The following CFAP251 variants were observed in gnomAD, a reference collection of about 807,000 sequenced individuals.
CFAP251 encodes the protein cilia and flagella associated protein 251, also known as cilia- and flagella-associated protein 251.
A neutral mutation model predicts 126.7 loss-of-function variants in CFAP251; 93 were observed. That is an observed-to-expected ratio of 0.73 (90% confidence interval 0.62 to 0.87). CFAP251 has a LOEUF of 0.87. CFAP251 is among the 40% of genes least tolerant of loss of function. CFAP251 has a pLI of 0.00. For missense variants in CFAP251, 1,287 were observed against 1,389.2 expected (o/e 0.93, Z 1.17); for synonymous variants, 503 against 506.9 (o/e 0.99, Z 0.10).
At chr12:121,998,940 C>T (rs1022984441) in intron 19 of CFAP251, 4 of 128,424 alleles carry the variant, frequency 3.1e-5, no homozygotes, top group African/African-American at 1.2e-4. Flanking sequence ...TGAGAGTGGA[C>T]ATCCTTGTCT....
Position 121,934,257 on chromosome 12 carries a change from A to G in CFAP251, c.899A>G (p.Asn300Ser). The G allele has an allele frequency of 6.2e-7, 1 of 1,613,826 alleles. No individual in the cohort carries two copies. Among genetic ancestry groups the G allele is most frequent in the Non-Finnish European group, 8.5e-7 (1 of 1,179,902 alleles). ...NNQYHLQGHANIISCLCVSED... is the reference protein window; with the variant it reads ...NNQYHLQGHASIISCLCVSED... ...TCTCCATTTCCATAGGGCCACGCCA[A>G]TATTATCTCCTGCCTCTGCGTCAGT... Residue 300 changes from asparagine to serine, a missense_variant, in exon 5 of 22, where the codon AAT (asparagine) becomes AGT (serine). Coordinates refer to ENST00000288912, the MANE Select transcript of CFAP251 (RefSeq NM_144668.6).
chr12:121,927,878 A>T (rs1880482659), intron 3 of CFAP251, among the ~76,000 whole-genome samples: 1 of 152,256 alleles, frequency 6.6e-6, no homozygotes, highest in Admixed American at 6.5e-5. Flanking sequence ...AATACAATGA[A>T]ATCTGGTTTT....
intron 19 of CFAP251, among the ~76,000 whole-genome samples, chr12:121,987,024 G>C (rs1482893493): frequency 6.6e-6 from 1 of 152,192 alleles, no homozygotes; most frequent in Admixed American, 6.5e-5. Context: ...GGCTAAAGCA[G>C]GGTCCCAGCT....
intron 19 of CFAP251, 32 bp downstream of exon 19, chr12:121,975,717 G>A (rs1383068245): frequency 3.9e-6 from 6 of 1,535,914 alleles, no homozygotes; most frequent in Non-Finnish European, 5.2e-6. Flanking sequence ...GCAGCAACGG[G>A]ATGTGCTATT....
At chr12:121,952,807 AT>A (rs1341317623) in intron 9 of CFAP251, 1 of 152,214 alleles carries the variant, frequency 6.6e-6, no homozygotes, top group Non-Finnish European at 1.5e-5. Flanking sequence ...GCACAATGAG[AT>A]TATTCTGTCT....
At chr12:121,966,922 A>G in intron 15 of CFAP251, 33 bp from the exon 16 acceptor site, 1 of 1,598,808 alleles carries the variant, frequency 6.3e-7, no homozygotes, top group Middle Eastern at 1.7e-4. Context: ...AGATTTGTGG[A>G]ATTTTAAAAA....
chr12:121,980,719 C>G (rs962609617), intron 19 of CFAP251, among the ~76,000 whole-genome samples: 17 of 152,222 alleles, frequency 1.1e-4, no homozygotes, highest in African/African-American at 4.1e-4. Context: ...CGCTGCACTT[C>G]ATCTGCATGG....
At chr12:121,998,206 A>G (rs1397507862) in intron 19 of CFAP251, 2 of 151,574 alleles carry the variant, frequency 1.3e-5, no homozygotes, top group East Asian at 3.9e-4. Context: ...TGCATGCCAC[A>G]TGCCTGATTA....
At chr12:121,934,180 TGCTGATAGTG>T in intron 4 of CFAP251, 57 bp from the exon 5 acceptor site, 1 of 1,269,908 alleles carries the variant, frequency 7.9e-7, no homozygotes. Flanking sequence ...CCCCGGCCTT[TGCTGATAGTG>T]GCCAAGGCTG....
intron 9 of CFAP251, chr12:121,953,552 A>G (rs1881606071): frequency 6.6e-6 from 1 of 152,398 alleles, no homozygotes; most frequent in South Asian, 2.1e-4. Flanking sequence ...CTGCTCTTAG[A>G]AAGAACTTGG....
chr12:121,927,980 A>G (rs1880486599), intron 3 of CFAP251, among the ~76,000 whole-genome samples: 1 of 152,370 alleles, frequency 6.6e-6, no homozygotes, highest in Non-Finnish European at 1.5e-5. Context: ...CATGCATGTT[A>G]AAACTTCTGC....
intron 19 of CFAP251, among the ~76,000 whole-genome samples, chr12:121,994,021 TGGG>T (rs754704524): frequency 3.2e-4 from 9 of 27,784 alleles, no homozygotes; most frequent in Non-Finnish European, 6.2e-4. Flanking sequence ...GGGAGGGAGG[TGGG>T]GGGGGGGTCA....
chr12:121,969,435 G>A (rs1565917484), intron 17 of CFAP251: 1 of 985,308 alleles, frequency 1.0e-6, no homozygotes, highest in Non-Finnish European at 1.2e-6. Flanking sequence ...CTTGTTGCCT[G>A]GAACCATGGG....
chr12:122,001,695 TC>T, intron 21 of CFAP251, 97 bp downstream of exon 21: 1 of 888,660 alleles, frequency 1.1e-6, no homozygotes, highest in East Asian at 2.5e-5. Context: ...CAAGCCACTC[TC>T]CCTAAGACTG....
At chr12:121,939,596 A>AT (rs201030501) in intron 5 of CFAP251, among the ~76,000 whole-genome samples, 3 of 150,810 alleles carry the variant, frequency 2.0e-5, no homozygotes, top group Admixed American at 1.3e-4. Flanking sequence ...GAGGGCAGTG[A>AT]TTTTTTTTAA....
Position 121,921,444 on chromosome 12 carries a change from T to A in CFAP251, c.139T>A (p.Trp47Arg). 1 of 1,611,440 alleles carries A rather than the reference T, an allele frequency of 6.2e-7. No homozygotes were observed. Among genetic ancestry groups the A allele is most frequent in the Non-Finnish European group, 8.5e-7 (1 of 1,179,464 alleles). Residue 47 changes from tryptophan to arginine, a missense_variant, in exon 2 of 22, where the codon TGG becomes AGG. Trp to Arg is a moderately radical substitution (Grantham distance 101). Coordinates refer to ENST00000288912, the MANE Select transcript of CFAP251 (RefSeq NM_144668.6). The stretch of plus-strand genomic sequence containing the variant: ...GGAATCAAAAGATGACACAATAGCA[T>A]GGAGAGAGTCTCAGGAGGAGGAGAG... Reference protein sequence around the residue: ...QQESKDDTIAWRESQEEERKT... With the variant: ...QQESKDDTIARRESQEEERKT...
intron 7 of CFAP251, among the ~76,000 whole-genome samples, chr12:121,946,748 T>TG (rs1252964434): frequency 7.0e-6 from 1 of 142,748 alleles, no homozygotes; most frequent in East Asian, 2.1e-4. Context: ...ACCTGGCTAA[T>TG]TTTTTTTTTT....
intron 7 of CFAP251, chr12:121,948,623 G>T (rs1459554513): frequency 1.2e-5 from 2 of 165,832 alleles, no homozygotes; most frequent in Admixed American, 6.5e-5. Context: ...AGGAGGCTGA[G>T]GCAGGAGAAT....
At chr12:121,996,425 C>T (rs1038125019) in intron 19 of CFAP251, among the ~76,000 whole-genome samples, 2 of 152,164 alleles carry the variant, frequency 1.3e-5, no homozygotes, top group South Asian at 2.1e-4. Context: ...GCTACATGCA[C>T]GGTACAAAAA....
Sources: gnomAD v4.1 joint callset for allele counts (sites outside exome capture counted in the v4.1 genomes callset) on GRCh38, gnomAD v4.1.1 for gene constraint, MANE v1.5 for transcripts, NCBI Gene and HGNC (gene_info 2026-07-23, HGNC 2026-07-21) for gene names.